The following PPP2R5B variants were observed in gnomAD, a reference collection of about 807,000 sequenced individuals.
PPP2R5B encodes protein phosphatase 2 regulatory subunit B'beta, also known as serine/threonine-protein phosphatase 2A 56 kDa regulatory subunit beta isoform.
A neutral mutation model predicts 59.9 loss-of-function variants in PPP2R5B; 19 were observed. The observed-to-expected ratio is 0.32, with a 90% CI of 0.22 to 0.47. The LOEUF (loss-of-function observed/expected upper bound fraction) is 0.47. PPP2R5B is among the 20% of genes least tolerant of loss of function. PPP2R5B has a pLI of 1.00. For missense variants in PPP2R5B, 441 were observed against 640.2 expected (o/e 0.69, Z 3.36); for synonymous variants, 286 against 260.5 (o/e 1.10, Z -0.94).
At chr11:64,928,011 A>G (rs1945187000) in intron 4 of PPP2R5B, 55 bp from the exon 5 acceptor site, 8 of 1,583,552 alleles carry the variant, frequency 5.1e-6, no homozygotes, top group Non-Finnish European at 6.9e-6. Context: ...ATAGGGTGGA[A>G]TGAGTGGGTG....
chr11:64,925,480 G>A lies in PPP2R5B; in HGVS notation c.-255G>A. ...ACTTCGTTTTCAAAAGAGCCAGGGT[G>A]GGAACCCTAACTGGACTCTTCGGGA... On this transcript the variant is annotated 5_prime_UTR_variant, in exon 2 of 14. Coordinates refer to ENST00000164133, the MANE Select transcript of PPP2R5B (RefSeq NM_006244.4). The surrounding 1 kb of genome is among the most constrained non-coding windows in gnomAD (Gnocchi z 4.6). 1 of 421,408 alleles carries A rather than the reference G, an allele frequency of 2.4e-6. No individual in the cohort carries two copies. Among genetic ancestry groups the A allele is most frequent in the South Asian group, 3.3e-5 (1 of 30,128 alleles). The allele number at this position is 421,408 out of a possible 1,614,324, so 26.1% of individuals were successfully genotyped here.
At chr11:64,928,524 CCCAG>C (rs1945193624) in intron 6 of PPP2R5B, 99 bp downstream of exon 6, 1 of 1,553,118 alleles carries the variant, frequency 6.4e-7, no homozygotes, top group Non-Finnish European at 8.8e-7. Context: ...CACCTGTAAT[CCCAG>C]CACTTTGGGA....
upstream of PPP2R5B, among the ~76,000 whole-genome samples, chr11:64,922,192 A>AAT (rs1554968045): frequency 5.3e-5 from 8 of 150,990 alleles, no homozygotes; most frequent in African/African-American, 2.0e-4. Flanking sequence ...AAAAATAAAA[A>AAT]AATAAAATAA....
upstream of PPP2R5B, among the ~76,000 whole-genome samples, chr11:64,923,444 G>T (rs574283382): frequency 6.6e-6 from 1 of 152,222 alleles, no homozygotes; most frequent in East Asian, 1.9e-4. Flanking sequence ...GGACACCAAG[G>T]GCCGGATGGG....
chr11:64,925,780 T>TCC lies in PPP2R5B; in HGVS notation c.50_51dup (p.Gly18ProfsTer61). 1 of 867,204 alleles carries TCC rather than the reference T, an allele frequency of 1.2e-6. No homozygotes were observed. The highest frequency in any genetic ancestry group is 1.6e-6 in the Non-Finnish European group (1 of 624,884). The allele number at this position is 867,204 out of a possible 1,614,324, so 53.7% of individuals were successfully genotyped here. ...TGCAAGCACCCCCACTAGCCCCTCC[T>TCC]CCCCCGGGCTGTCGCCTGTGCCCCC... On this transcript the variant is annotated frameshift_variant, in exon 2 of 14. Coordinates refer to ENST00000164133, the MANE Select transcript of PPP2R5B (RefSeq NM_006244.4). LOFTEE classifies it high-confidence loss of function. The surrounding 1 kb of genome is among the most constrained non-coding windows in gnomAD (Gnocchi z 4.6).
Position 64,931,623 on chromosome 11 carries a change from CT to C in PPP2R5B, c.996+17del. On this transcript the variant is annotated intron_variant, in intron 10 of 13. Transcript: ENST00000164133. The surrounding 1 kb of genome is among the most constrained non-coding windows in gnomAD (Gnocchi z 5.0). ...ACCCAGAAGGAGGTATGAAGAAGGG[CT>C]TTGATGCCCGCCAGAGGGAGGCTGG... 6.2e-7 allele frequency: 1 copy of C among 1,613,742 alleles called. No homozygotes were observed. Among genetic ancestry groups the C allele is most frequent in the Non-Finnish European group, 8.5e-7 (1 of 1,179,992 alleles).
upstream of PPP2R5B, chr11:64,924,056 G>A (rs1376491853): frequency 2.0e-5 from 3 of 152,268 alleles, no homozygotes; most frequent in East Asian, 5.8e-4. Flanking sequence ...GGCAGCTCAA[G>A]GAGAAAACCT....
chr11:64,926,022 CAA>C (rs1312443145), intron 2 of PPP2R5B, 89 bp downstream of exon 2: 31 of 1,351,606 alleles, frequency 2.3e-5, no homozygotes, highest in South Asian at 5.4e-5. Flanking sequence ...GGGCAGCTGC[CAA>C]GAGAGAGAGT....
chr11:64,929,851 AGTT>A (rs2136686090), intron 6 of PPP2R5B, among the ~76,000 whole-genome samples: 1 of 152,272 alleles, frequency 6.6e-6, no homozygotes, highest in East Asian at 1.9e-4. Flanking sequence ...CTGAAACATT[AGTT>A]GTTATTAGCT....
At position 64,933,854 on chromosome 11, in the gene PPP2R5B, C is replaced by T. The variant is rs1945256563; in HGVS notation, c.*10C>T. On this transcript the variant is annotated 3_prime_UTR_variant, in exon 14 of 14. Coordinates refer to ENST00000164133, the MANE Select transcript of PPP2R5B (RefSeq NM_006244.4). ...TGGGGGTCAGAGCTAGACAGCACCT[C>T]AGAAGGGGAAAAGCTAAACCCAGAG... is the stretch of plus-strand genomic sequence containing the variant. 14 of 1,515,050 alleles carry T rather than the reference C, an allele frequency of 9.2e-6. No individual in the cohort carries two copies. The highest frequency in any genetic ancestry group is 1.2e-5 in the Non-Finnish European group (14 of 1,131,198). The allele number at this position is 1,515,050 out of a possible 1,614,324, so 93.9% of individuals were successfully genotyped here.
At chr11:64,927,713 GAAA>G (rs879060708) in intron 3 of PPP2R5B, 86 bp from the exon 4 acceptor site, 819 of 841,364 alleles carry the variant, frequency 9.7e-4, no homozygotes, top group Non-Finnish European at 1.1e-3. Flanking sequence ...TCTTGGGAAA[GAAA>G]AAAAAAAAAA....
At chr11:64,933,582 A>T in intron 13 of PPP2R5B, 115 bp from the exon 14 acceptor site, 1 of 1,326,428 alleles carries the variant, frequency 7.5e-7, no homozygotes, top group Non-Finnish European at 1.0e-6. Context: ...CAGAACAAAA[A>T]TGGTTCCATG....
chr11:64,932,611 A>C (rs1945238863), intron 11 of PPP2R5B, among the ~76,000 whole-genome samples, 154 bp from the exon 12 acceptor site: 1 of 152,026 alleles, frequency 6.6e-6, no homozygotes, highest in Non-Finnish European at 1.5e-5. Flanking sequence ...TTTTCCCTTC[A>C]ACACTGTTGC....
Position 64,931,972 on chromosome 11 carries a change from G to A in PPP2R5B, c.1116+104G>A. On this transcript the variant is annotated intron_variant, in intron 11 of 13. Coordinates refer to ENST00000164133, the MANE Select transcript of PPP2R5B (RefSeq NM_006244.4). This position sits in a 1 kb window ranked among gnomAD's most constrained non-coding sequence, Gnocchi z 5.0. The stretch of plus-strand genomic sequence containing the variant: ...GCCCTCAGTTTCTCCTCCAATCCCG[G>A]GTCTGGTAATGGGGAGATGCTGGAC... The A allele has an allele frequency of 6.6e-7, 1 of 1,516,194 alleles. No individual in the cohort carries two copies. The allele number at this position is 1,516,194 out of a possible 1,614,324, so 93.9% of individuals were successfully genotyped here.
chr11:64,933,040 C>A, intron 12 of PPP2R5B, 105 bp from the exon 13 acceptor site: 1 of 1,488,296 alleles, frequency 6.7e-7, no homozygotes, highest in South Asian at 1.2e-5. Context: ...GGAAAGTGGG[C>A]AGTGCTTGTG....
chr11:64,927,969 C>T (rs1418500510), intron 4 of PPP2R5B, 66 bp downstream of exon 4: 2 of 1,564,038 alleles, frequency 1.3e-6, no homozygotes, highest in South Asian at 1.1e-5. Context: ...GGGAGAGGGC[C>T]TCCTTAGCCC....
chr11:64,933,358 C>A, intron 13 of PPP2R5B, 112 bp downstream of exon 13: 1 of 900,622 alleles, frequency 1.1e-6, no homozygotes, highest in Non-Finnish European at 1.7e-6. Flanking sequence ...TCAGATGCTG[C>A]AAGACTGTCC....
Position 64,925,513 on chromosome 11 carries a change from G to A in PPP2R5B, c.-222G>A. 1.9e-6 allele frequency: 1 copy of A among 518,562 alleles called. No individual in the cohort carries two copies. Among genetic ancestry groups the A allele is most frequent in the Non-Finnish European group, 3.4e-6 (1 of 291,636 alleles). 32.1% of individuals were successfully genotyped at this position (518,562 alleles called of 1,614,324 possible). On this transcript the variant is annotated 5_prime_UTR_variant, in exon 2 of 14. Coordinates refer to ENST00000164133, the MANE Select transcript of PPP2R5B (RefSeq NM_006244.4). This position sits in a 1 kb window ranked among gnomAD's most constrained non-coding sequence, Gnocchi z 4.6. ...TAACTGGACTCTTCGGGACCCCCAG[G>A]AAGGATCTGAGGCCTGAGCCATCCT...
At chr11:64,922,080 C>T (rs1945114146), upstream of PPP2R5B, among the ~76,000 whole-genome samples, 1 of 151,800 alleles carries the variant, frequency 6.6e-6, no homozygotes. Flanking sequence ...TGGTGGCATG[C>T]GCCTGAGGTC....
Sources: gnomAD v4.1 joint callset for allele counts (sites outside exome capture counted in the v4.1 genomes callset) on GRCh38, gnomAD v4.1.1 for gene constraint, Gnocchi (gnomAD v3.1) non-coding constraint, MANE v1.5 for transcripts, NCBI Gene and HGNC (gene_info 2026-07-23, HGNC 2026-07-21) for gene names.